AOPEP: variants seen among roughly 807,000 people sequenced by gnomAD.
AOPEP encodes the protein aminopeptidase O (putative).
AOPEP carries 77 observed loss-of-function variants against 98.1 expected under a neutral mutation model. That is an observed-to-expected ratio of 0.78 (90% CI 0.65 to 0.95). The LOEUF (loss-of-function observed/expected upper bound fraction) is 0.95. Among genes scored for constraint, AOPEP ranks in the 40% least tolerant of loss-of-function variants. The pLI is 0.00. For missense variants in AOPEP, 1,024 were observed against 1,024.7 expected, an observed-to-expected ratio of 1.00 and a Z score of 0.01; for synonymous variants, 346 against 365.3, an observed-to-expected ratio of 0.95 and a Z score of 0.60.
At chr9:94,741,705 G>A (rs1833169017) in intron 1 of AOPEP, among the ~76,000 whole-genome samples, 1 of 151,920 alleles carries the variant, frequency 6.6e-6, no homozygotes, top group Non-Finnish European at 1.5e-5. Flanking sequence ...TAAGTTAGTA[G>A]TAATTAAAAA....
chr9:95,043,810 G>T (rs1024840236), intron 13 of AOPEP, among the ~76,000 whole-genome samples: 2 of 152,138 alleles, frequency 1.3e-5, no homozygotes, highest in African/African-American at 4.8e-5. Context: ...GACTACAGGC[G>T]CATGCCACCA....
intron 5 of AOPEP, among the ~76,000 whole-genome samples, chr9:94,880,836 A>C (rs2047500094): frequency 6.6e-6 from 1 of 152,226 alleles, no homozygotes; most frequent in Non-Finnish European, 1.5e-5. Flanking sequence ...CATTTTGGGC[A>C]GTAACAACAT....
At chr9:94,742,815 GT>G (rs911383869) in intron 1 of AOPEP, among the ~76,000 whole-genome samples, 13 of 151,872 alleles carry the variant, frequency 8.6e-5, no homozygotes, top group Non-Finnish European at 1.6e-4. Flanking sequence ...GTAATTTTGT[GT>G]TTTTTTCTTT....
At chr9:95,145,650 G>A in the AOPEP span, 3 of 152,182 alleles carry the variant, frequency 2.0e-5, no homozygotes, top group African/African-American at 7.2e-5. Context: ...CACAGTTGAT[G>A]CCAGCACTAA....
At chr9:94,817,322 A>G (rs984603230) in intron 5 of AOPEP, among the ~76,000 whole-genome samples, 12 of 152,188 alleles carry the variant, frequency 7.9e-5, no homozygotes, top group African/African-American at 2.7e-4. Context: ...CCTATGTTCT[A>G]AAAGAAAGGC....
chr9:94,893,745 A>G (rs2049134385), intron 5 of AOPEP, among the ~76,000 whole-genome samples: 1 of 152,198 alleles, frequency 6.6e-6, no homozygotes, highest in African/African-American at 2.4e-5. Context: ...TTAGAGTTAG[A>G]AAATGAACAA....
chr9:94,787,870 C>G (rs936814932), intron 3 of AOPEP, among the ~76,000 whole-genome samples: 1 of 152,060 alleles, frequency 6.6e-6, no homozygotes, highest in East Asian at 1.9e-4. Context: ...TTACCTCTTT[C>G]GGCTGATTAC....
At position 94,921,736 on chromosome 9, in the gene AOPEP, C is replaced by T. The variant is rs900510734; in HGVS notation, c.1365-2250C>T. 3.9e-5 allele frequency among the ~76,000 whole-genome samples: 6 copies of T among 152,154 alleles called. No individual in the cohort carries two copies. In the East Asian group the frequency reaches 1.2e-3, roughly 29 times the overall value. ...GTATGTCAAACCCAACCTTAGAGGGCCAAACGGGCCCCGGAGGCTTTCGAT... is the reference window on the plus strand; with the variant it reads ...GTATGTCAAACCCAACCTTAGAGGGTCAAACGGGCCCCGGAGGCTTTCGAT... On this transcript the variant is annotated intron_variant, in intron 5 of 16. Coordinates refer to ENST00000375315, the MANE Select transcript of AOPEP (RefSeq NM_001193329.3).
chr9:94,801,242 T>G (rs1032874920), intron 5 of AOPEP, among the ~76,000 whole-genome samples: 5 of 152,212 alleles, frequency 3.3e-5, no homozygotes, highest in African/African-American at 1.2e-4. Flanking sequence ...AGGCTCACAT[T>G]GTTGCTGGGA....
intron 3 of AOPEP, among the ~76,000 whole-genome samples, chr9:94,779,447 A>G (rs1244425850): frequency 1.3e-5 from 2 of 152,102 alleles, no homozygotes; most frequent in South Asian, 2.1e-4. Context: ...CTTGAGCATT[A>G]TTCTTCTTTT....
chr9:94,783,838 A>G (rs1012168503), intron 3 of AOPEP, among the ~76,000 whole-genome samples: 23 of 152,214 alleles, frequency 1.5e-4, no homozygotes, highest in Non-Finnish European at 2.2e-4. Flanking sequence ...CAAAGTAATC[A>G]TAACATATAT....
At chr9:94,783,987 A>G (rs921018187) in intron 3 of AOPEP, among the ~76,000 whole-genome samples, 1 of 152,242 alleles carries the variant, frequency 6.6e-6, no homozygotes, top group African/African-American at 2.4e-5. Context: ...TATCAATTTG[A>G]TATTTCCGAA....
intron 1 of AOPEP, among the ~76,000 whole-genome samples, chr9:94,753,619 AC>A (rs1836331468): frequency 1.3e-5 from 2 of 152,246 alleles, no homozygotes; most frequent in African/African-American, 4.8e-5. Context: ...TGGTGCTGTT[AC>A]AACTGTAATT....
intron 10 of AOPEP, among the ~76,000 whole-genome samples, chr9:94,977,003 C>T (rs1270245902): frequency 6.6e-6 from 1 of 152,078 alleles, no homozygotes; most frequent in African/African-American, 2.4e-5. Context: ...TCCTGAGGAT[C>T]GCTTGAAGGA....
intron 13 of AOPEP, among the ~76,000 whole-genome samples, chr9:95,043,279 T>C (rs143458144): frequency 7.4e-4 from 112 of 150,820 alleles, no homozygotes; most frequent in African/African-American, 2.5e-3. Context: ...TCTGTATATA[T>C]GTACAGATAC....
chr9:94,904,727 G>A (rs991094306), intron 5 of AOPEP: 1 of 152,172 alleles, frequency 6.6e-6, no homozygotes, highest in African/African-American at 2.4e-5. Context: ...TTAGCAATAG[G>A]TATCTTTGTA....
chr9:94,860,267 G>A (rs2044762078), intron 5 of AOPEP, among the ~76,000 whole-genome samples: 1 of 152,190 alleles, frequency 6.6e-6, no homozygotes, highest in South Asian at 2.1e-4. Context: ...GGAATTTAGT[G>A]ACCTATGGGA....
chr9:94,757,739 C>CTG (rs1333073869), intron 1 of AOPEP, among the ~76,000 whole-genome samples: 1 of 151,982 alleles, frequency 6.6e-6, no homozygotes, highest in Non-Finnish European at 1.5e-5. Flanking sequence ...GGTTTTCCTT[C>CTG]TGTGTGTGTG....
chr9:94,791,524 C>A (rs1285420929), intron 3 of AOPEP, among the ~76,000 whole-genome samples: 2 of 151,596 alleles, frequency 1.3e-5, no homozygotes, highest in Non-Finnish European at 2.9e-5. Context: ...AAAATGTAAG[C>A]TGTGTGTGGT....
Sources: gnomAD v4.1 joint callset for allele counts (sites outside exome capture counted in the v4.1 genomes callset) on GRCh38, gnomAD v4.1.1 for gene constraint, MANE v1.5 for transcripts, NCBI Gene and HGNC (gene_info 2026-07-23, HGNC 2026-07-21) for gene names.